Variants in SAMMSON observed in about 807,000 individuals in gnomAD.
SAMMSON encodes long intergenic non-protein coding RNA 1212.
intron 1 of SAMMSON, among the ~76,000 whole-genome samples, chr3:70,008,919 C>T (rs1423954753): frequency 2.6e-5 from 4 of 152,078 alleles, no homozygotes; most frequent in Non-Finnish European, 5.9e-5. Flanking sequence ...GTCTTTGGTT[C>T]TGTTTATATG....
At chr3:70,211,806 A>ACCCTT (rs145589758) in intron 4 of SAMMSON, among the ~76,000 whole-genome samples, 2 of 56,922 alleles carry the variant, frequency 3.5e-5, no homozygotes, top group East Asian at 5.2e-4. Context: ...TCCTTTCCTT[A>ACCCTT]CCCTTCCCTT....
chr3:70,065,747 C>T (rs2067207189), intron 3 of SAMMSON, among the ~76,000 whole-genome samples: 1 of 152,036 alleles, frequency 6.6e-6, no homozygotes, highest in African/African-American at 2.4e-5. Context: ...ATGCACAGCA[C>T]AGCCACCCCC....
At chr3:70,089,484 G>T (rs1036871071) in intron 4 of SAMMSON, among the ~76,000 whole-genome samples, 7 of 135,838 alleles carry the variant, frequency 5.2e-5, no homozygotes, top group Non-Finnish European at 9.2e-5. Context: ...CAGAAAGCCT[G>T]TTCTGCTAAC....
rs2067288038 is a variant in SAMMSON at position 70,087,086 on chromosome 3, C to A, written n.507+15521C>A. On this transcript the variant is annotated intron_variant and non_coding_transcript_variant, in intron 4 of 9. Transcript: ENST00000642114. ...TGAGCTTCAAGCAATCTTTAACTGG[C>A]CTTTGCTTTCTCCAGGAGGACACTG... Among the ~76,000 whole-genome samples the A allele has an allele frequency of 1.3e-5, 2 of 152,114 alleles. 1 individual carries two copies. The highest frequency in any genetic ancestry group is 1.3e-4 in the Admixed American group (2 of 15,272).
chr3:70,033,133 C>T (rs1373868271), intron 3 of SAMMSON, among the ~76,000 whole-genome samples: 4 of 152,106 alleles, frequency 2.6e-5, no homozygotes, highest in Admixed American at 2.6e-4. Flanking sequence ...AGTAGACAAT[C>T]CTGAGAAAAA....
At chr3:70,297,434 C>T (rs1429857156) in intron 7 of SAMMSON, among the ~76,000 whole-genome samples, 1 of 152,018 alleles carries the variant, frequency 6.6e-6, no homozygotes, top group African/African-American at 2.4e-5. Flanking sequence ...TATACTTCTG[C>T]TTAACCCTCA....
chr3:70,074,911 C>T (rs917113806), intron 4 of SAMMSON: 5 of 152,030 alleles, frequency 3.3e-5, no homozygotes, highest in African/African-American at 9.7e-5. Context: ...GTTCCAGTGT[C>T]GTCTATGGTG....
chr3:70,322,966 AGTC>A (rs1702549031), intron 7 of SAMMSON, among the ~76,000 whole-genome samples: 1 of 152,122 alleles, frequency 6.6e-6, no homozygotes, highest in Non-Finnish European at 1.5e-5. Context: ...TTTCTGGAGA[AGTC>A]GTGAGAAAAT....
chr3:70,132,560 C>T (rs548473737), intron 4 of SAMMSON, among the ~76,000 whole-genome samples: 1 of 152,178 alleles, frequency 6.6e-6, no homozygotes, highest in African/African-American at 2.4e-5. Context: ...TTTTTGGCTT[C>T]TGGCAGGAAG....
At chr3:70,063,561 G>A (rs1171544846) in intron 3 of SAMMSON, among the ~76,000 whole-genome samples, 1 of 152,024 alleles carries the variant, frequency 6.6e-6, no homozygotes, top group African/African-American at 2.4e-5. Flanking sequence ...TTACATCTTT[G>A]AGCAGCCCTT....
intron 3 of SAMMSON, among the ~76,000 whole-genome samples, chr3:70,033,813 G>T (rs112544562): frequency 0.014 from 2,079 of 152,252 alleles, 20 homozygotes; most frequent in Non-Finnish European, 0.021. Flanking sequence ...AGTTCAAGTT[G>T]TCATCTAGCT....
chr3:70,165,488 G>A (rs541692306), intron 4 of SAMMSON, among the ~76,000 whole-genome samples: 4 of 151,970 alleles, frequency 2.6e-5, no homozygotes, highest in South Asian at 2.1e-4. Flanking sequence ...GATGAGCAGC[G>A]CACCCCAGAA....
intron 4 of SAMMSON, among the ~76,000 whole-genome samples, chr3:70,089,078 TA>T (rs2067296533): frequency 6.6e-6 from 1 of 152,122 alleles, no homozygotes; most frequent in African/African-American, 2.4e-5. Context: ...TCCTCTGCAC[TA>T]AAATGGGGCA....
chr3:70,121,760 G>C (rs761879591), intron 4 of SAMMSON, among the ~76,000 whole-genome samples: 1 of 152,170 alleles, frequency 6.6e-6, no homozygotes, highest in Non-Finnish European at 1.5e-5. Flanking sequence ...GCGTGAAGGA[G>C]ACAGGACAGT....
chr3:70,251,196 T>A (rs1413325371), intron 6 of SAMMSON, among the ~76,000 whole-genome samples: 1 of 152,194 alleles, frequency 6.6e-6, no homozygotes, highest in Non-Finnish European at 1.5e-5. Context: ...ACAGAGCTAC[T>A]CCTCAGGTTC....
chr3:70,360,349 C>A (rs1423454374), intron 9 of SAMMSON, among the ~76,000 whole-genome samples: 2 of 152,068 alleles, frequency 1.3e-5, no homozygotes, highest in Non-Finnish European at 2.9e-5. Context: ...AAGGACGGGA[C>A]CTTCTTAGAA....
intron 4 of SAMMSON, among the ~76,000 whole-genome samples, chr3:70,116,166 G>C (rs935954104): frequency 4.6e-5 from 7 of 152,052 alleles, no homozygotes; most frequent in African/African-American, 1.7e-4. Flanking sequence ...AGAGAAAAGA[G>C]AGCAGGGAGA....
intron 4 of SAMMSON, among the ~76,000 whole-genome samples, chr3:70,188,935 T>C (rs1325371856): frequency 6.6e-6 from 1 of 152,208 alleles, no homozygotes; most frequent in Non-Finnish European, 1.5e-5. Flanking sequence ...GAACTATACC[T>C]GAATTATAAC....
At chr3:70,361,536 C>T (rs928734455) in intron 9 of SAMMSON, among the ~76,000 whole-genome samples, 1 of 152,192 alleles carries the variant, frequency 6.6e-6, no homozygotes, top group Non-Finnish European at 1.5e-5. Context: ...TCTCATCTCG[C>T]TGCAGCATCT....
Sources: allele counts gnomAD v4.1 joint callset (sites outside exome capture counted in the v4.1 genomes callset), GRCh38; gene constraint gnomAD v4.1.1; transcripts MANE v1.5; gene names NCBI Gene and HGNC (gene_info 2026-07-23, HGNC 2026-07-21).